ATRNL1: variants seen among roughly 807,000 people sequenced by gnomAD.
ATRNL1 encodes attractin-like protein 1.
Under a neutral mutation model 182.7 loss-of-function variants are expected in ATRNL1, and 95 were observed. The observed-to-expected ratio is 0.52, with a 90% CI of 0.44 to 0.62. The LOEUF is 0.62. Ranked by LOEUF, ATRNL1 falls within the 20% of genes least tolerant of loss-of-function variation. The pLI is 0.00. For missense variants in ATRNL1, 1,471 were observed against 1,679.5 expected, an observed-to-expected ratio of 0.88 and a Z score of 2.17; for synonymous variants, 576 against 568.3, an observed-to-expected ratio of 1.01 and a Z score of -0.19.
At chr10:115,789,611 G>C (rs1949478709) in intron 27 of ATRNL1, among the ~76,000 whole-genome samples, 1 of 152,226 alleles carries the variant, frequency 6.6e-6, no homozygotes, top group Non-Finnish European at 1.5e-5. Flanking sequence ...AAATACGCCA[G>C]AAGAATTAAT....
At chr10:115,214,055 C>CACACACACACAG (rs1849132034) in intron 8 of ATRNL1, among the ~76,000 whole-genome samples, 1 of 150,982 alleles carries the variant, frequency 6.6e-6, no homozygotes, top group African/African-American at 2.4e-5. Context: ...CACACACACA[C>CACACACACACAG]ACACACACAC....
intron 27 of ATRNL1, among the ~76,000 whole-genome samples, chr10:115,729,951 GA>G (rs1350682260): frequency 6.6e-6 from 1 of 151,794 alleles, no homozygotes; most frequent in Non-Finnish European, 1.5e-5. Context: ...CTCTCTAAAA[GA>G]TTTTTTTCAA....
At chr10:115,689,494 T>G (rs573567104) in intron 26 of ATRNL1, among the ~76,000 whole-genome samples, 1 of 152,198 alleles carries the variant, frequency 6.6e-6, no homozygotes, top group African/African-American at 2.4e-5. Context: ...GAAATTTTCC[T>G]CTAAGAACTG....
In ATRNL1 at chr10:115,938,553, C is replaced by A. The variant is rs573997406; in HGVS notation, c.4019-6105C>A. Among the ~76,000 whole-genome samples the A allele has an allele frequency of 1.3e-4, 20 of 152,210 alleles. No individual in the cohort carries two copies. In the South Asian group the frequency reaches 4.1e-3, roughly 32 times the overall value. ...AATAGCTGTGGGGTACTCCCACATT[C>A]ATTTCAGCATTATTCACAATAGTCA... On this transcript the variant is annotated intron_variant, in intron 28 of 28. Coordinates refer to ENST00000355044, the MANE Select transcript of ATRNL1 (RefSeq NM_207303.4).
intron 25 of ATRNL1, among the ~76,000 whole-genome samples, chr10:115,528,184 T>C (rs1378845640): frequency 1.3e-5 from 2 of 149,390 alleles, no homozygotes; most frequent in African/African-American, 5.0e-5. Flanking sequence ...TTTCACTTTT[T>C]GGGAAAAGTT....
intron 8 of ATRNL1, among the ~76,000 whole-genome samples, chr10:115,185,146 T>C (rs1039360197): frequency 1.3e-5 from 2 of 151,962 alleles, no homozygotes; most frequent in Non-Finnish European, 2.9e-5. Flanking sequence ...AATAGATACA[T>C]GGATATGTAG....
intron 28 of ATRNL1, among the ~76,000 whole-genome samples, chr10:115,878,776 A>C (rs1346690750): frequency 6.6e-6 from 1 of 152,186 alleles, no homozygotes; most frequent in Non-Finnish European, 1.5e-5. Context: ...TGCCCCTGAT[A>C]CTGTGTATAA....
intron 28 of ATRNL1, among the ~76,000 whole-genome samples, chr10:115,884,407 T>C (rs1951895804): frequency 6.6e-6 from 1 of 152,186 alleles, no homozygotes; most frequent in African/African-American, 2.4e-5. Flanking sequence ...ATTGCTCCCA[T>C]AGTGGATCAT....
intron 26 of ATRNL1, among the ~76,000 whole-genome samples, chr10:115,633,230 G>A (rs1555026999): frequency 1.3e-5 from 2 of 152,058 alleles, no homozygotes; most frequent in South Asian, 2.1e-4. Flanking sequence ...TATTTTAAGC[G>A]ACAATCTTCT....
chr10:115,725,300 G>A (rs1417063552), intron 26 of ATRNL1, among the ~76,000 whole-genome samples: 3 of 151,968 alleles, frequency 2.0e-5, no homozygotes, highest in African/African-American at 7.2e-5. Flanking sequence ...TTTTTTATGA[G>A]TTTTTGGGAG....
intron 21 of ATRNL1, among the ~76,000 whole-genome samples, chr10:115,455,103 G>A (rs1430477270): frequency 3.3e-5 from 5 of 152,026 alleles, no homozygotes; most frequent in South Asian, 2.1e-4. Flanking sequence ...TATCATGAAA[G>A]GGTGTTGAAC....
intron 26 of ATRNL1, 49 bp downstream of exon 26, chr10:115,549,585 A>G (rs781966681): frequency 2.3e-6 from 3 of 1,317,712 alleles, no homozygotes; most frequent in South Asian, 1.4e-5. Flanking sequence ...AAGCAAATAT[A>G]TGGATCTCTA....
chr10:115,837,659 G>GCATT (rs1411684547), intron 27 of ATRNL1, among the ~76,000 whole-genome samples: 3 of 152,090 alleles, frequency 2.0e-5, no homozygotes, highest in Non-Finnish European at 4.4e-5. Context: ...TCTAACACTA[G>GCATT]CATTGATCAA....
intron 18 of ATRNL1, among the ~76,000 whole-genome samples, chr10:115,332,389 T>C (rs1326212864): frequency 4.6e-5 from 7 of 152,208 alleles, no homozygotes; most frequent in Non-Finnish European, 1.0e-4. Flanking sequence ...CAAATTGATG[T>C]TTCTTCGTGG....
chr10:115,124,158 G>T (rs1316273620), intron 3 of ATRNL1, among the ~76,000 whole-genome samples: 7 of 152,038 alleles, frequency 4.6e-5, no homozygotes, highest in Admixed American at 3.9e-4. Flanking sequence ...TTCCAAAAAG[G>T]TTGGGGATTG....
intron 19 of ATRNL1, among the ~76,000 whole-genome samples, chr10:115,376,128 C>A (rs1194170148): frequency 6.6e-6 from 1 of 151,628 alleles, no homozygotes; most frequent in Non-Finnish European, 1.5e-5. Flanking sequence ...GTGTTTTTTT[C>A]CTGTAAGCAA....
At chr10:115,482,392 T>G (rs939153032) in intron 24 of ATRNL1, among the ~76,000 whole-genome samples, 6 of 151,040 alleles carry the variant, frequency 4.0e-5, no homozygotes, top group Non-Finnish European at 5.9e-5. Flanking sequence ...TAAACACTTA[T>G]GTAAGATAAT....
At chr10:115,108,620 C>T (rs1443170190) in intron 1 of ATRNL1, among the ~76,000 whole-genome samples, 1 of 152,168 alleles carries the variant, frequency 6.6e-6, no homozygotes, top group African/African-American at 2.4e-5. Flanking sequence ...TGATCAGCAT[C>T]ATCTTGTCTG....
intron 19 of ATRNL1, among the ~76,000 whole-genome samples, chr10:115,347,037 G>T (rs1219696735): frequency 6.6e-6 from 1 of 151,984 alleles, no homozygotes; most frequent in Non-Finnish European, 1.5e-5. Context: ...AATTATTATG[G>T]TAAGTTTTAC....
Sources: allele counts gnomAD v4.1 joint callset (sites outside exome capture counted in the v4.1 genomes callset), GRCh38; gene constraint gnomAD v4.1.1; transcripts MANE v1.5; gene names NCBI Gene and HGNC (gene_info 2026-07-23, HGNC 2026-07-21).